Variants in RNF217 observed in about 807,000 individuals in gnomAD.
RNF217 encodes the protein ring finger protein 217, also known as E3 ubiquitin-protein ligase RNF217.
In RNF217, 31 loss-of-function variants were observed where a neutral mutation model predicts 57.8. That is an observed-to-expected ratio of 0.54 (90% CI 0.40 to 0.72). RNF217 has a LOEUF of 0.72. Among genes scored for constraint, RNF217 ranks in the 30% least tolerant of loss-of-function variants. RNF217 has a pLI of 0.00. For synonymous variants in RNF217, 313 were observed against 294.0 expected (o/e 1.06, Z -0.66); for missense variants, 696 against 708.3 (o/e 0.98, Z 0.20).
chr6:125,058,205 G>A, intron 3 of RNF217, 99 bp downstream of exon 3: 1 of 1,021,338 alleles, frequency 9.8e-7, no homozygotes. Context: ...TCTTAATGCA[G>A]GTATGTGGAA....
At chr6:124,993,929 A>G (rs1784654120) in intron 1 of RNF217, among the ~76,000 whole-genome samples, 3 of 152,192 alleles carry the variant, frequency 2.0e-5, no homozygotes, top group African/African-American at 4.8e-5. Context: ...CCATTAATCT[A>G]TGACAAGGAA....
chr6:125,078,231 T>A (rs1482826473), intron 4 of RNF217, among the ~76,000 whole-genome samples: 1 of 152,146 alleles, frequency 6.6e-6, no homozygotes, highest in Non-Finnish European at 1.5e-5. Context: ...AACCTTAACC[T>A]CTAATACCAT....
At chr6:125,011,074 G>C (rs932391648) in intron 1 of RNF217, among the ~76,000 whole-genome samples, 1 of 152,112 alleles carries the variant, frequency 6.6e-6, no homozygotes, top group East Asian at 1.9e-4. Context: ...TAGTATGGTG[G>C]TGGTATAGGG....
chr6:125,003,938 T>A (rs1177483855), intron 1 of RNF217, among the ~76,000 whole-genome samples: 1 of 152,154 alleles, frequency 6.6e-6, no homozygotes, highest in Non-Finnish European at 1.5e-5. Context: ...AACTAATTGA[T>A]CAACATCTGT....
rs865937636 is a variant in RNF217 at position 125,058,059 on chromosome 6, G to A, written c.1234G>A (p.Glu412Lys). The A allele has an allele frequency of 3.7e-6, 6 of 1,613,502 alleles. No individual in the cohort carries two copies. Among genetic ancestry groups the A allele is most frequent in the East Asian group, 2.2e-5 (1 of 44,786 alleles). ...CAAATTGTTGCGTCACTGGGCCAGC[G>A]AAATTGAGCATGGGCAGAGGAATGC... ...GDKLLRHWASEIEHGQRNAQK... is the reference protein window; with the variant it reads ...GDKLLRHWASKIEHGQRNAQK... The change falls in exon 3 of 6, where the codon GAA becomes AAA. Residue 412 changes from glutamate (E) to lysine (K), a missense_variant. By Grantham distance (56) the Glu-to-Lys change is moderately conservative (BLOSUM62 1). Transcript: ENST00000521654.
rs915227735 is a variant in RNF217 at position 125,084,704 on chromosome 6, G to A, written c.*1767G>A. ...CTGTGCTACAGCTTCTGGATTAGTT[G>A]TCTATTTCCAGTTAGAGGAGTGTGT... On this transcript the variant is annotated 3_prime_UTR_variant, in exon 6 of 6. Coordinates refer to ENST00000521654, the MANE Select transcript of RNF217 (RefSeq NM_001286398.3). The A allele has an allele frequency of 1.3e-5, 2 of 151,914 alleles. No homozygotes were observed. The highest frequency in any genetic ancestry group is 4.8e-5 in the African/African-American group (2 of 41,414). The allele number at this position is 151,914 out of a possible 1,614,324, so 9.4% of individuals were successfully genotyped here.
intron 3 of RNF217, among the ~76,000 whole-genome samples, chr6:125,062,025 T>C (rs1787754591): frequency 6.6e-6 from 1 of 152,064 alleles, no homozygotes; most frequent in Admixed American, 6.5e-5. Context: ...CTCTCTAAAT[T>C]ATATCTTAAA....
At chr6:125,066,026 A>C (rs1255442929) in intron 3 of RNF217, among the ~76,000 whole-genome samples, 1 of 152,152 alleles carries the variant, frequency 6.6e-6, no homozygotes, top group Non-Finnish European at 1.5e-5. Flanking sequence ...CAAGAACTTT[A>C]GGTTATCCCA....
intron 1 of RNF217, among the ~76,000 whole-genome samples, chr6:124,993,392 C>T (rs1214903060): frequency 6.6e-6 from 1 of 152,114 alleles, no homozygotes; most frequent in Non-Finnish European, 1.5e-5. Flanking sequence ...CCGTCCTTTC[C>T]ACTAAAATTA....
intron 5 of RNF217, 98 bp from the exon 6 acceptor site, chr6:125,082,766 A>T (rs1397942341): frequency 1.8e-6 from 2 of 1,124,358 alleles, no homozygotes; most frequent in South Asian, 2.7e-5. Flanking sequence ...TCTTCTTTGT[A>T]TGTTCGTACA....
At chr6:124,991,611 G>A (rs1179675462) in intron 1 of RNF217, among the ~76,000 whole-genome samples, 6 of 152,130 alleles carry the variant, frequency 3.9e-5, no homozygotes, top group Non-Finnish European at 4.4e-5. Context: ...TGATTCATGA[G>A]GCCTGAGTGC....
chr6:125,024,995 C>A (rs972269943), intron 1 of RNF217, among the ~76,000 whole-genome samples: 2 of 151,966 alleles, frequency 1.3e-5, no homozygotes, highest in Admixed American at 6.6e-5. Flanking sequence ...TAAATGCAAC[C>A]TCAGAGACTC....
Position 125,090,181 on chromosome 6 carries a change from T to C in RNF217, c.*7244T>C, listed in dbSNP as rs983226986. On this transcript the variant is annotated 3_prime_UTR_variant, in exon 6 of 6. Coordinates refer to ENST00000521654, the MANE Select transcript of RNF217 (RefSeq NM_001286398.3). ...AACATAGAATAATAATTAGTTTGTA[T>C]ATATATAAAACCATTTACCTTGACA... The C allele has an allele frequency of 3.3e-5, 5 of 152,128 alleles. No homozygotes were observed. The highest frequency in any genetic ancestry group is 2.1e-4 in the South Asian group (1 of 4,834). The allele number at this position is 152,128 out of a possible 1,614,324, so 9.4% of individuals were successfully genotyped here. A position where few individuals can be genotyped will look rare whatever the true frequency, so the allele number is the denominator to read the frequency against.
At chr6:125,015,784 T>A (rs2114382868) in intron 1 of RNF217, among the ~76,000 whole-genome samples, 1 of 152,228 alleles carries the variant, frequency 6.6e-6, no homozygotes, top group East Asian at 1.9e-4. Flanking sequence ...ATGTAACATG[T>A]AAAGGGGCAT....
intron 1 of RNF217, among the ~76,000 whole-genome samples, chr6:125,030,355 C>T (rs1181310088): frequency 6.6e-6 from 1 of 152,158 alleles, no homozygotes; most frequent in African/African-American, 2.4e-5. Flanking sequence ...AGTCTTAACT[C>T]ATTTCAGCAT....
intron 2 of RNF217, 121 bp from the exon 3 acceptor site, chr6:125,057,821 T>C (rs12110319): frequency 0.019 from 14,042 of 740,236 alleles, 879 homozygotes; most frequent in African/African-American, 0.17. Flanking sequence ...TTGAGTCTTA[T>C]AGAGGGGGAG....
intron 3 of RNF217, among the ~76,000 whole-genome samples, chr6:125,072,792 A>G (rs1043664617): frequency 6.6e-6 from 1 of 152,140 alleles, no homozygotes; most frequent in African/African-American, 2.4e-5. Flanking sequence ...AAATAATATG[A>G]TTGATCTTCT....
At chr6:125,009,266 T>C in intron 1 of RNF217, 2 of 1,609,566 alleles carry the variant, frequency 1.2e-6, no homozygotes, top group Non-Finnish European at 1.7e-6. Flanking sequence ...ATAAACCAGT[T>C]CAAGAAAGGG....
intron 1 of RNF217, among the ~76,000 whole-genome samples, chr6:125,027,612 A>G (rs1562475297): frequency 1.3e-5 from 2 of 152,184 alleles, no homozygotes. Flanking sequence ...AGCTGCAACA[A>G]ACAGAAGTGT....
Sources: gnomAD v4.1 joint callset for allele counts (sites outside exome capture counted in the v4.1 genomes callset) on GRCh38, gnomAD v4.1.1 for gene constraint, MANE v1.5 for transcripts, NCBI Gene and HGNC (gene_info 2026-07-23, HGNC 2026-07-21) for gene names.